ARHGEF26: variants seen among roughly 807,000 people sequenced by gnomAD.
ARHGEF26 encodes Rho guanine nucleotide exchange factor (GEF) 26.
ARHGEF26 carries 59 observed loss-of-function variants against 89.4 expected under a neutral mutation model. The ratio of observed to expected loss-of-function variants is 0.66; its 90% CI spans 0.54 to 0.82. The LOEUF (loss-of-function observed/expected upper bound fraction) is 0.82. ARHGEF26 is among the 40% of genes least tolerant of loss of function. The pLI, the probability that ARHGEF26 is intolerant of heterozygous loss-of-function variation, is 0.00. For missense variants in ARHGEF26, 1,234 were observed against 1,085.6 expected, an observed-to-expected ratio of 1.14 and a Z score of -1.92; for synonymous variants, 500 against 428.4, an observed-to-expected ratio of 1.17 and a Z score of -2.06.
chr3:154,141,564 ATGAC>A (rs773525760), intron 4 of ARHGEF26, among the ~76,000 whole-genome samples: 1 of 152,236 alleles, frequency 6.6e-6, no homozygotes, highest in African/African-American at 2.4e-5. Flanking sequence ...GTTAAACGAC[ATGAC>A]TGACTGACTT....
chr3:154,219,061 C>T (rs1217820423), intron 10 of ARHGEF26, among the ~76,000 whole-genome samples: 4 of 152,150 alleles, frequency 2.6e-5, no homozygotes, highest in Non-Finnish European at 5.9e-5. Flanking sequence ...CATGCATGCA[C>T]GCACACTTTA....
At chr3:154,201,627 A>C (rs1395023949) in intron 9 of ARHGEF26, among the ~76,000 whole-genome samples, 3 of 151,202 alleles carry the variant, frequency 2.0e-5, no homozygotes, top group South Asian at 2.1e-4. Context: ...CCAACAGTGT[A>C]AAAGTGTTCC....
chr3:154,161,999 A>G (rs1253903473), intron 6 of ARHGEF26, among the ~76,000 whole-genome samples: 3 of 152,170 alleles, frequency 2.0e-5, no homozygotes, highest in Admixed American at 2.0e-4. Context: ...GAGTTGTCAC[A>G]TGGAGATTTA....
At chr3:154,195,871 C>G (rs888493782) in intron 9 of ARHGEF26, among the ~76,000 whole-genome samples, 2 of 151,992 alleles carry the variant, frequency 1.3e-5, no homozygotes, top group African/African-American at 4.8e-5. Context: ...GAGGAATGAC[C>G]ATGAGGAATG....
At chr3:154,151,337 G>T (rs1400448912) in intron 5 of ARHGEF26, among the ~76,000 whole-genome samples, 1 of 152,140 alleles carries the variant, frequency 6.6e-6, no homozygotes, top group African/African-American at 2.4e-5. Flanking sequence ...ATTAATTTTT[G>T]TTCTCAAAAC....
Position 154,176,299 on chromosome 3 carries a change from A to G in ARHGEF26, c.1488-11386A>G, listed in dbSNP as rs55903529. Among the ~76,000 whole-genome samples, 262 of 152,314 alleles carry G rather than the reference A, an allele frequency of 1.7e-3. 1 individual carries two copies. The highest frequency in any genetic ancestry group is 2.9e-3 in the Non-Finnish European group (197 of 68,026). Reference sequence around the variant, plus strand: ...GGCTGGAGAGAATGTTTGGGAGCCAATCTTTGGTAGGGAAGTGACAAAATG... The same window carrying G: ...GGCTGGAGAGAATGTTTGGGAGCCAGTCTTTGGTAGGGAAGTGACAAAATG... On this transcript the variant is annotated intron_variant, in intron 6 of 14. Transcript: ENST00000465093.
At chr3:154,215,237 C>G (rs983179151) in intron 9 of ARHGEF26, among the ~76,000 whole-genome samples, 1 of 152,134 alleles carries the variant, frequency 6.6e-6, no homozygotes, top group Admixed American at 6.6e-5. Flanking sequence ...ATCCTTTGCT[C>G]ATGGTGTCCC....
At chr3:154,170,707 T>C (rs570568904) in intron 6 of ARHGEF26, among the ~76,000 whole-genome samples, 3 of 152,210 alleles carry the variant, frequency 2.0e-5, no homozygotes, top group Non-Finnish European at 4.4e-5. Context: ...AGTCAGTCTA[T>C]GGAAAGCCAT....
intron 10 of ARHGEF26, among the ~76,000 whole-genome samples, chr3:154,224,960 A>C (rs1204710073): frequency 1.3e-5 from 2 of 151,868 alleles, no homozygotes; most frequent in Non-Finnish European, 2.9e-5. Flanking sequence ...ATTGCATCAC[A>C]TTTCTGCATT....
intron 12 of ARHGEF26, among the ~76,000 whole-genome samples, chr3:154,250,319 G>T (rs761080868): frequency 6.6e-6 from 1 of 152,020 alleles, no homozygotes; most frequent in Non-Finnish European, 1.5e-5. Context: ...GAGCCGCCCC[G>T]CCCGGCCTCT....
intron 8 of ARHGEF26, among the ~76,000 whole-genome samples, chr3:154,191,966 A>G (rs1713983384): frequency 6.6e-6 from 1 of 152,222 alleles, no homozygotes; most frequent in Non-Finnish European, 1.5e-5. Flanking sequence ...TGAGGAAAGC[A>G]AGTGTTTTTG....
chr3:154,200,192 G>T (rs1028353719), intron 9 of ARHGEF26, among the ~76,000 whole-genome samples: 4 of 152,016 alleles, frequency 2.6e-5, no homozygotes, highest in African/African-American at 4.8e-5. Flanking sequence ...TATAGTTTGA[G>T]GTCTTAGATT....
intron 4 of ARHGEF26, among the ~76,000 whole-genome samples, chr3:154,131,706 C>T (rs1718691952): frequency 6.6e-6 from 1 of 152,130 alleles, no homozygotes; most frequent in African/African-American, 2.4e-5. Flanking sequence ...AGGCCTAAAT[C>T]GTGCTGTTGG....
At chr3:154,135,881 T>G (rs1368765296) in intron 4 of ARHGEF26, among the ~76,000 whole-genome samples, 1 of 152,184 alleles carries the variant, frequency 6.6e-6, no homozygotes, top group East Asian at 1.9e-4. Context: ...CTCTCCAAGA[T>G]CATGTACTAT....
chr3:154,171,989 A>G lies in ARHGEF26; in HGVS notation c.1488-15696A>G, dbSNP rs932466948. 2.6e-5 allele frequency among the ~76,000 whole-genome samples: 4 copies of G among 152,226 alleles called. No individual in the cohort carries two copies. In the East Asian group the frequency reaches 7.7e-4, roughly 29 times the overall value. ...GTAATTTTTTTTCTTCTTCTTCCATATTTATAAAGGAAGAATCAACATACC... is the reference window on the plus strand; with the variant it reads ...GTAATTTTTTTTCTTCTTCTTCCATGTTTATAAAGGAAGAATCAACATACC... On this transcript the variant is annotated intron_variant, in intron 6 of 14. Transcript: ENST00000465093.
intron 11 of ARHGEF26, among the ~76,000 whole-genome samples, chr3:154,239,815 G>A (rs1390402181): frequency 1.3e-5 from 2 of 152,140 alleles, no homozygotes; most frequent in African/African-American, 4.8e-5. Flanking sequence ...CAGGAATGGA[G>A]GGCATAATGA....
intron 4 of ARHGEF26, among the ~76,000 whole-genome samples, chr3:154,136,869 C>T (rs183320603): frequency 6.6e-6 from 1 of 152,206 alleles, no homozygotes; most frequent in Non-Finnish European, 1.5e-5. Context: ...AACCTTTTAC[C>T]ATATCTTTTT....
intron 11 of ARHGEF26, among the ~76,000 whole-genome samples, chr3:154,228,840 G>C (rs1306460298): frequency 6.6e-6 from 1 of 152,198 alleles, no homozygotes; most frequent in Non-Finnish European, 1.5e-5. Flanking sequence ...ACAGATAAAG[G>C]AAAATCACCT....
intron 6 of ARHGEF26, among the ~76,000 whole-genome samples, chr3:154,153,620 A>G (rs1009125447): frequency 6.6e-6 from 1 of 152,074 alleles, no homozygotes; most frequent in Admixed American, 6.6e-5. Context: ...ACGTGTAAGT[A>G]GTAGAGTCAC....
Sources: allele counts gnomAD v4.1 joint callset (sites outside exome capture counted in the v4.1 genomes callset), GRCh38; gene constraint gnomAD v4.1.1; transcripts MANE v1.5; gene names NCBI Gene and HGNC (gene_info 2026-07-23, HGNC 2026-07-21).